OTUD7A: variants seen among roughly 807,000 people sequenced by gnomAD.
OTUD7A encodes the protein OTU deubiquitinase 7A.
Under a neutral mutation model 65.7 loss-of-function variants are expected in OTUD7A, and 12 were observed. That is an observed-to-expected ratio of 0.18 (90% CI 0.12 to 0.30). The LOEUF (loss-of-function observed/expected upper bound fraction) is 0.30. OTUD7A is among the 10% of genes least tolerant of loss of function. The probability of loss-of-function intolerance (pLI) is 1.00; values close to 1 mark genes in which losing one functional copy is unlikely to be tolerated. For synonymous variants in OTUD7A, 641 were observed against 586.3 expected (o/e 1.09, Z -1.35); for missense variants, 1,148 against 1,304.8 (o/e 0.88, Z 1.85).
chr15:31,526,597 C>A, intron 7 of OTUD7A, 136 bp from the exon 8 acceptor site: 1 of 620,598 alleles, frequency 1.6e-6, no homozygotes, highest in East Asian at 3.0e-5. Flanking sequence ...ACTATACCAA[C>A]TGCACCCTCT....
At chr15:31,768,273 C>A in intron 1 of OTUD7A, 1 of 738,236 alleles carries the variant, frequency 1.4e-6, no homozygotes. Flanking sequence ...CGGGCAGCGG[C>A]GAGTCTCGGC....
intron 3 of OTUD7A, among the ~76,000 whole-genome samples, chr15:31,638,362 A>G (rs1309476566): frequency 6.7e-6 from 1 of 148,722 alleles, no homozygotes; most frequent in Non-Finnish European, 1.5e-5. Flanking sequence ...TAGACTACAG[A>G]ATAGTATAAA....
chr15:31,804,379 G>C (rs992626716), intron 1 of OTUD7A, among the ~76,000 whole-genome samples: 1 of 152,128 alleles, frequency 6.6e-6, no homozygotes, highest in Admixed American at 6.5e-5. Flanking sequence ...CCAACTCCCT[G>C]AATTAGAATG....
intron 8 of OTUD7A, among the ~76,000 whole-genome samples, chr15:31,505,542 C>T (rs2041547146): frequency 6.6e-6 from 1 of 151,936 alleles, no homozygotes; most frequent in Non-Finnish European, 1.5e-5. Context: ...TTACTTTTTA[C>T]AATTCTCCCT....
At chr15:31,624,244 A>G (rs1400794348) in intron 3 of OTUD7A, among the ~76,000 whole-genome samples, 1 of 152,242 alleles carries the variant, frequency 6.6e-6, no homozygotes, top group East Asian at 1.9e-4. Flanking sequence ...TTTAACATTA[A>G]ATTAAAATCA....
intron 5 of OTUD7A, among the ~76,000 whole-genome samples, chr15:31,541,602 C>G (rs570040358): frequency 1.1e-4 from 17 of 152,218 alleles, no homozygotes; most frequent in Admixed American, 7.2e-4. Flanking sequence ...TTTCAATAAT[C>G]CTTTCAAATG....
intron 3 of OTUD7A, among the ~76,000 whole-genome samples, chr15:31,651,572 A>AACACACACAC (rs60554390): frequency 1.4e-5 from 2 of 140,802 alleles, no homozygotes; most frequent in Admixed American, 7.1e-5. Context: ...AATCCCAAGG[A>AACACACACAC]ACACACACAC....
chr15:31,851,579 A>C (rs1005283661), intron 1 of OTUD7A, among the ~76,000 whole-genome samples: 6 of 152,224 alleles, frequency 3.9e-5, no homozygotes, highest in Admixed American at 3.3e-4. Context: ...AGTGTTTTCC[A>C]AACACCAGTT....
intron 1 of OTUD7A, among the ~76,000 whole-genome samples, chr15:31,731,024 C>G (rs896447303): frequency 5.3e-5 from 8 of 152,196 alleles, no homozygotes; most frequent in African/African-American, 1.9e-4. Flanking sequence ...CCTCTCTTCT[C>G]CCTAATAGTT....
intron 3 of OTUD7A, chr15:31,649,887 AC>A (rs1327991323): frequency 3.6e-6 from 1 of 277,496 alleles, no homozygotes; most frequent in Non-Finnish European, 8.1e-6. Context: ...TGAGCGAGAC[AC>A]TTCCCTTCCT....
intron 1 of OTUD7A, among the ~76,000 whole-genome samples, chr15:31,784,509 T>C (rs934333964): frequency 1.3e-5 from 2 of 152,254 alleles, no homozygotes; most frequent in Non-Finnish European, 2.9e-5. Flanking sequence ...TATCTATGTT[T>C]ACATGTAACA....
At chr15:31,668,560 G>A (rs549240054) in intron 1 of OTUD7A, among the ~76,000 whole-genome samples, 3 of 151,948 alleles carry the variant, frequency 2.0e-5, no homozygotes, top group African/African-American at 4.8e-5. Context: ...TTCTTTTATT[G>A]TTTTTTGGAT....
intron 1 of OTUD7A, among the ~76,000 whole-genome samples, chr15:31,761,883 A>G (rs1894974616): frequency 1.3e-5 from 2 of 152,210 alleles, no homozygotes; most frequent in African/African-American, 4.8e-5. Flanking sequence ...GAAAACATTA[A>G]GTGAAAGAAG....
At chr15:31,838,780 CCTA>C (rs1897116790) in intron 1 of OTUD7A, among the ~76,000 whole-genome samples, 1 of 151,880 alleles carries the variant, frequency 6.6e-6, no homozygotes, top group Non-Finnish European at 1.5e-5. Flanking sequence ...TTGAGGGCCC[CCTA>C]CTACTAACTC....
intron 1 of OTUD7A, among the ~76,000 whole-genome samples, chr15:31,722,770 G>C (rs1182267814): frequency 6.6e-6 from 1 of 152,212 alleles, no homozygotes; most frequent in Non-Finnish European, 1.5e-5. Flanking sequence ...TGTCCACTTC[G>C]TGGTCTTACA....
rs558830792 is a variant in OTUD7A, at chr15:31,638,565, T to G, written c.151+16531A>C. Among the ~76,000 whole-genome samples the G allele has an allele frequency of 2.4e-4, 36 of 150,786 alleles. No individual in the cohort carries two copies. In the South Asian group the frequency reaches 6.9e-3, roughly 29 times the overall value. ...AGGCTGATTTTTGTAGGTTTTTGTT[T>G]TTTTTTTTTTCAATAGAGACGAGGT... On this transcript the variant is annotated intron_variant, in intron 3 of 12. Coordinates refer to ENST00000307050, the MANE Select transcript of OTUD7A (RefSeq NM_001382637.1).
intron 8 of OTUD7A, among the ~76,000 whole-genome samples, chr15:31,511,171 ATG>A (rs2041725752): frequency 3.4e-4 from 3 of 8,744 alleles, no homozygotes; most frequent in African/African-American, 8.1e-4. Flanking sequence ...TAACATACAT[ATG>A]TATATCTATA....
chr15:31,794,727 T>TG (rs1028860314), intron 1 of OTUD7A, among the ~76,000 whole-genome samples: 1 of 151,958 alleles, frequency 6.6e-6, no homozygotes, highest in Non-Finnish European at 1.5e-5. Context: ...GCCCACCGTC[T>TG]GGGGGATGCT....
intron 1 of OTUD7A, among the ~76,000 whole-genome samples, chr15:31,830,801 C>A (rs1228123257): frequency 6.6e-6 from 1 of 152,228 alleles, no homozygotes; most frequent in Non-Finnish European, 1.5e-5. Flanking sequence ...TCATCACCAT[C>A]ACTCAGTGAC....
Sources: allele counts gnomAD v4.1 joint callset (sites outside exome capture counted in the v4.1 genomes callset), GRCh38; gene constraint gnomAD v4.1.1; transcripts MANE v1.5; gene names NCBI Gene and HGNC (gene_info 2026-07-23, HGNC 2026-07-21).